The following PABPC4L variants were observed in gnomAD, a reference collection of about 807,000 sequenced individuals.
PABPC4L encodes the protein polyadenylate-binding protein 4-like.
For missense variants in PABPC4L, 452 were observed against 451.4 expected, an observed-to-expected ratio of 1.00 and a Z score of -0.01; for synonymous variants, 169 against 164.1, an observed-to-expected ratio of 1.03 and a Z score of -0.23.
At chr4:134,154,529 T>C in the PABPC4L span, among the ~76,000 whole-genome samples, 2 of 152,130 alleles carry the variant, frequency 1.3e-5, no homozygotes, top group Non-Finnish European at 2.9e-5. Context: ...GTTTATTATA[T>C]ACCTAATATT....
the PABPC4L span, among the ~76,000 whole-genome samples, chr4:134,155,844 C>T: frequency 6.6e-6 from 1 of 151,960 alleles, no homozygotes; most frequent in Non-Finnish European, 1.5e-5. Context: ...CTATGTTATT[C>T]ACCTACAAAC....
the PABPC4L span, among the ~76,000 whole-genome samples, chr4:134,077,333 C>G: frequency 6.6e-6 from 1 of 152,028 alleles, no homozygotes; most frequent in Non-Finnish European, 1.5e-5. Context: ...TTACTTTTTT[C>G]TCCCCAGTAG....
chr4:133,983,443 A>T, the PABPC4L span, among the ~76,000 whole-genome samples: 1 of 151,944 alleles, frequency 6.6e-6, no homozygotes, highest in African/African-American at 2.4e-5. Flanking sequence ...ACAGATTGAC[A>T]GAATAAACTG....
chr4:133,953,767 T>G, the PABPC4L span, among the ~76,000 whole-genome samples: 1 of 152,168 alleles, frequency 6.6e-6, no homozygotes, highest in South Asian at 2.1e-4. Flanking sequence ...CCTGGGAGGA[T>G]GCTCTCTCTC....
At chr4:133,959,294 T>C in the PABPC4L span, among the ~76,000 whole-genome samples, 3 of 152,082 alleles carry the variant, frequency 2.0e-5, no homozygotes, top group Admixed American at 6.6e-5. Context: ...ATTGTGATAA[T>C]AGCAATGAAG....
At chr4:134,089,474 T>G in the PABPC4L span, among the ~76,000 whole-genome samples, 1 of 152,112 alleles carries the variant, frequency 6.6e-6, no homozygotes, top group Admixed American at 6.6e-5. Flanking sequence ...AGACAAATAA[T>G]GACACTTAGC....
the PABPC4L span, among the ~76,000 whole-genome samples, chr4:133,980,094 G>A: frequency 1.3e-5 from 2 of 152,038 alleles, no homozygotes; most frequent in Admixed American, 1.3e-4. Flanking sequence ...CTTGAGACTT[G>A]TGAAATATCT....
At position 134,201,229 on chromosome 4, in the gene PABPC4L, A is replaced by G. The variant is rs1224242394; in HGVS notation, c.-210T>C. The G allele has an allele frequency of 1.4e-5, 21 of 1,537,478 alleles. 1 individual carries two copies. Among genetic ancestry groups the G allele is most frequent in the Non-Finnish European group, 1.1e-5 (12 of 1,139,762 alleles). On this transcript the variant is annotated 5_prime_UTR_variant, in exon 2 of 2. Coordinates refer to ENST00000421491, the MANE Select transcript of PABPC4L (RefSeq NM_001114734.2). ...CCACAGCCACCAATCTGGCCCTCCTAGGACGCGGCAACAGAACTGTGAAAT... is the reference window on the plus strand; with the variant it reads ...CCACAGCCACCAATCTGGCCCTCCTGGGACGCGGCAACAGAACTGTGAAAT...
the PABPC4L span, among the ~76,000 whole-genome samples, chr4:134,047,894 G>T: frequency 1.3e-5 from 2 of 152,106 alleles, no homozygotes; most frequent in East Asian, 3.9e-4. Flanking sequence ...AAGGGAGTTG[G>T]AGAAGGAGAG....
At chr4:134,130,156 C>A in the PABPC4L span, among the ~76,000 whole-genome samples, 9 of 149,500 alleles carry the variant, frequency 6.0e-5, 1 homozygote, top group African/African-American at 1.5e-4. Context: ...CAAACAAAAC[C>A]AAAACCTAGC....
At chr4:134,127,121 A>G in the PABPC4L span, among the ~76,000 whole-genome samples, 1 of 152,018 alleles carries the variant, frequency 6.6e-6, no homozygotes, top group Non-Finnish European at 1.5e-5. Context: ...ACACAGCAGC[A>G]GCAGCAAGCC....
At chr4:134,038,172 C>T in the PABPC4L span, among the ~76,000 whole-genome samples, 12 of 152,114 alleles carry the variant, frequency 7.9e-5, no homozygotes, top group African/African-American at 2.4e-4. Flanking sequence ...GGGATGAAGC[C>T]GACTTGATCA....
the PABPC4L span, chr4:133,978,745 T>C: frequency 5.3e-5 from 8 of 152,164 alleles, no homozygotes; most frequent in Admixed American, 3.3e-4. Context: ...TTGCTTCTTC[T>C]CAAATCCCAA....
the PABPC4L span, among the ~76,000 whole-genome samples, chr4:133,953,722 G>T: frequency 6.6e-6 from 1 of 152,150 alleles, no homozygotes; most frequent in African/African-American, 2.4e-5. Flanking sequence ...GGGATATACA[G>T]TTGGGAATTT....
the PABPC4L span, among the ~76,000 whole-genome samples, chr4:134,075,482 A>G: frequency 6.6e-6 from 1 of 152,164 alleles, no homozygotes; most frequent in Non-Finnish European, 1.5e-5. Flanking sequence ...GAATCAATCT[A>G]CTGTTCTTAC....
the PABPC4L span, among the ~76,000 whole-genome samples, chr4:134,101,834 C>G: frequency 1.3e-5 from 2 of 151,462 alleles, no homozygotes; most frequent in Non-Finnish European, 3.0e-5. Flanking sequence ...AGGCATCTAT[C>G]ATAGCTAAAA....
chr4:134,166,311 G>A, the PABPC4L span, among the ~76,000 whole-genome samples: 1 of 152,142 alleles, frequency 6.6e-6, no homozygotes, highest in Non-Finnish European at 1.5e-5. Context: ...TATGTAGATA[G>A]ATGATAGATA....
chr4:134,180,228 T>C, the PABPC4L span, among the ~76,000 whole-genome samples: 4 of 151,906 alleles, frequency 2.6e-5, no homozygotes, highest in Non-Finnish European at 5.9e-5. Context: ...TAGAAATCAA[T>C]GCTAAGAAAA....
the PABPC4L span, among the ~76,000 whole-genome samples, chr4:134,165,657 T>C: frequency 6.6e-6 from 1 of 152,084 alleles, no homozygotes; most frequent in Non-Finnish European, 1.5e-5. Context: ...ATGGATGTGG[T>C]GAAAAGAGAA....
Sources: allele counts gnomAD v4.1 joint callset (sites outside exome capture counted in the v4.1 genomes callset), GRCh38; gene constraint gnomAD v4.1.1; transcripts MANE v1.5; gene names NCBI Gene and HGNC (gene_info 2026-07-23, HGNC 2026-07-21).